Variants in MCPH1 observed in about 807,000 individuals in gnomAD.
MCPH1 encodes the protein microcephalin 1.
MCPH1 carries 104 observed loss-of-function variants against 84.5 expected under a neutral mutation model. The observed-to-expected ratio is 1.23, with a 90% CI of 1.05 to 1.45. The LOEUF is 1.45. Among genes scored for constraint, MCPH1 ranks in the 40% most tolerant of loss-of-function variants. MCPH1 has a pLI of 0.00. For synonymous variants in MCPH1, 514 were observed against 366.8 expected, an observed-to-expected ratio of 1.40 and a Z score of -4.58; for missense variants, 1,498 against 1,005.7, an observed-to-expected ratio of 1.49 and a Z score of -6.62.
chr8:6,596,917 C>T (rs1828973727), intron 12 of MCPH1, among the ~76,000 whole-genome samples: 1 of 152,158 alleles, frequency 6.6e-6, no homozygotes, highest in Non-Finnish European at 1.5e-5. Flanking sequence ...TGAGAAAACT[C>T]TTGTATAGAG....
intron 12 of MCPH1, among the ~76,000 whole-genome samples, chr8:6,513,371 C>T (rs984621073): frequency 1.7e-4 from 24 of 144,312 alleles, no homozygotes; most frequent in African/African-American, 5.4e-4. Flanking sequence ...CTTGCTCTGT[C>T]GCCCAGGTTG....
In MCPH1 at chr8:6,406,747, G is replaced by C. The variant is rs538854470; in HGVS notation, c.22+58G>C. On this transcript the variant is annotated intron_variant, in intron 1 of 13. Coordinates refer to ENST00000344683, the MANE Select transcript of MCPH1 (RefSeq NM_024596.5). Reference sequence around the variant, plus strand: ...GGGAGTTTGAGGACCGGCACCCCTCGTCGCGGGCGCACTCGGGGGATCCCG... The same window carrying C: ...GGGAGTTTGAGGACCGGCACCCCTCCTCGCGGGCGCACTCGGGGGATCCCG... 32 of 1,592,048 alleles carry C rather than the reference G, an allele frequency of 2.0e-5. No homozygotes were observed. In the South Asian group the frequency reaches 3.2e-4, roughly 16 times the overall value.
At chr8:6,486,965 T>C (rs1387096337) in intron 11 of MCPH1, among the ~76,000 whole-genome samples, 1 of 152,190 alleles carries the variant, frequency 6.6e-6, no homozygotes, top group Non-Finnish European at 1.5e-5. Context: ...CGAAACCCTT[T>C]TGTGGATGCT....
intron 12 of MCPH1, among the ~76,000 whole-genome samples, chr8:6,520,350 T>C (rs1002211599): frequency 2.0e-5 from 3 of 152,206 alleles, no homozygotes; most frequent in African/African-American, 4.8e-5. Flanking sequence ...AAACTTAGTA[T>C]GGAAGAATTT....
intron 12 of MCPH1, among the ~76,000 whole-genome samples, chr8:6,537,743 T>C (rs1820769296): frequency 6.6e-6 from 1 of 152,114 alleles, no homozygotes; most frequent in Admixed American, 6.5e-5. Flanking sequence ...AAGATTGTCA[T>C]CATTATTTTT....
At chr8:6,485,683 T>C (rs1302783626) in intron 11 of MCPH1, among the ~76,000 whole-genome samples, 1 of 152,180 alleles carries the variant, frequency 6.6e-6, no homozygotes, top group Non-Finnish European at 1.5e-5. Flanking sequence ...TTGTTAATAG[T>C]ATCAACTCTT....
chr8:6,577,065 A>G (rs1262366256), intron 12 of MCPH1, among the ~76,000 whole-genome samples: 25 of 152,134 alleles, frequency 1.6e-4, no homozygotes, highest in Admixed American at 1.6e-3. Flanking sequence ...CGCTCTGGAC[A>G]AGCGGCAAGA....
intron 9 of MCPH1, among the ~76,000 whole-genome samples, chr8:6,460,748 C>G (rs1405546552): frequency 1.3e-5 from 2 of 152,022 alleles, no homozygotes; most frequent in African/African-American, 4.8e-5. Context: ...GGGGTTCTGT[C>G]TCTGTGAGGC....
At chr8:6,617,682 GTTGTA>G (rs1376239085) in intron 12 of MCPH1, among the ~76,000 whole-genome samples, 1 of 151,986 alleles carries the variant, frequency 6.6e-6, no homozygotes, top group Admixed American at 6.6e-5. Flanking sequence ...GGGGTGGGGA[GTTGTA>G]TTGTTTTGAG....
chr8:6,496,180 G>C (rs1167864758), intron 11 of MCPH1, among the ~76,000 whole-genome samples: 1 of 152,152 alleles, frequency 6.6e-6, no homozygotes, highest in Admixed American at 6.5e-5. Context: ...TCCCATCGGG[G>C]GGTGACGAGA....
chr8:6,409,548 C>G (rs550341083), intron 2 of MCPH1, among the ~76,000 whole-genome samples, 178 bp downstream of exon 2: 4 of 152,104 alleles, frequency 2.6e-5, no homozygotes, highest in Non-Finnish European at 5.9e-5. Flanking sequence ...TTTCAGAACT[C>G]AATGCCTGTG....
chr8:6,593,313 C>T (rs1170314172), intron 12 of MCPH1, among the ~76,000 whole-genome samples: 3 of 151,898 alleles, frequency 2.0e-5, no homozygotes, highest in African/African-American at 7.3e-5. Context: ...AAACTCCTGA[C>T]CTCAGATGAT....
chr8:6,458,941 C>G (rs1805984444), intron 9 of MCPH1, among the ~76,000 whole-genome samples: 1 of 152,174 alleles, frequency 6.6e-6, no homozygotes, highest in Non-Finnish European at 1.5e-5. Context: ...GCCACAGCAC[C>G]TAGCCAGCAA....
intron 12 of MCPH1, among the ~76,000 whole-genome samples, chr8:6,547,277 A>T (rs1399886812): frequency 6.6e-6 from 1 of 152,132 alleles, no homozygotes; most frequent in East Asian, 1.9e-4. Flanking sequence ...GTGATTCTCC[A>T]AATGCTTGTG....
At chr8:6,630,068 T>G (rs1031690202) in intron 13 of MCPH1, among the ~76,000 whole-genome samples, 1 of 152,194 alleles carries the variant, frequency 6.6e-6, no homozygotes, top group Non-Finnish European at 1.5e-5. Flanking sequence ...TTTTCTTAAA[T>G]GTTGGTGCTT....
chr8:6,429,436 C>G (rs1017045888), intron 3 of MCPH1, among the ~76,000 whole-genome samples: 15 of 152,142 alleles, frequency 9.9e-5, no homozygotes, highest in African/African-American at 3.6e-4. Context: ...TGTGGCTTCA[C>G]CTGCGCCTCC....
chr8:6,600,668 G>C (rs1395938499), intron 12 of MCPH1, among the ~76,000 whole-genome samples: 1 of 152,216 alleles, frequency 6.6e-6, no homozygotes, highest in Non-Finnish European at 1.5e-5. Flanking sequence ...TAAGTTTTTA[G>C]TTTATTGACT....
At chr8:6,600,288 G>C (rs1466474042) in intron 12 of MCPH1, among the ~76,000 whole-genome samples, 2 of 152,246 alleles carry the variant, frequency 1.3e-5, no homozygotes, top group African/African-American at 4.8e-5. Flanking sequence ...GGGAGTGCAA[G>C]GGAGAGAGGG....
intron 8 of MCPH1, chr8:6,446,393 A>G: frequency 3.0e-6 from 3 of 985,226 alleles, no homozygotes; most frequent in Non-Finnish European, 3.6e-6. Context: ...GCCTCTTTGA[A>G]GGTGGAGAAG....
Sources: gnomAD v4.1 joint callset for allele counts (sites outside exome capture counted in the v4.1 genomes callset) on GRCh38, gnomAD v4.1.1 for gene constraint, MANE v1.5 for transcripts, NCBI Gene and HGNC (gene_info 2026-07-23, HGNC 2026-07-21) for gene names.